Variants in NRXN1 observed in about 807,000 individuals in gnomAD.
NRXN1 encodes neurexin 1.
Under a neutral mutation model 150.9 loss-of-function variants are expected in NRXN1, and 39 were observed. The ratio of observed to expected loss-of-function variants is 0.26; its 90% CI spans 0.20 to 0.34. NRXN1 has a LOEUF of 0.34. Among genes scored for constraint, NRXN1 ranks in the 10% least tolerant of loss-of-function variants. The pLI is 1.00. For missense variants in NRXN1, 1,815 were observed against 1,949.9 expected, an observed-to-expected ratio of 0.93 and a Z score of 1.30; for synonymous variants, 924 against 757.0, an observed-to-expected ratio of 1.22 and a Z score of -3.62.
chr2:50,987,624 C>T (rs976540000), intron 2 of NRXN1, among the ~76,000 whole-genome samples: 5 of 152,038 alleles, frequency 3.3e-5, no homozygotes, highest in Middle Eastern at 3.4e-3. Context: ...AGTATAACAA[C>T]CTCCCACTCT....
intron 18 of NRXN1, among the ~76,000 whole-genome samples, chr2:50,168,829 T>C (rs2059842475): frequency 6.6e-6 from 1 of 152,238 alleles, no homozygotes; most frequent in African/African-American, 2.4e-5. Flanking sequence ...TCAAGGCAGC[T>C]GATGGTGATT....
chr2:50,627,447 G>A (rs879816675), intron 5 of NRXN1, among the ~76,000 whole-genome samples: 1 of 150,052 alleles, frequency 6.7e-6, no homozygotes, highest in African/African-American at 2.4e-5. Context: ...GGCATTGCAG[G>A]TAAGTTAGCA....
intron 18 of NRXN1, among the ~76,000 whole-genome samples, chr2:50,197,295 C>T (rs910512879): frequency 2.6e-5 from 4 of 151,932 alleles, no homozygotes; most frequent in Admixed American, 1.3e-4. Context: ...TTACGGGGAA[C>T]CTGAGAGTCT....
chr2:50,263,632 T>G (rs1256707542), intron 17 of NRXN1, among the ~76,000 whole-genome samples: 1 of 152,068 alleles, frequency 6.6e-6, no homozygotes, highest in Non-Finnish European at 1.5e-5. Flanking sequence ...AGAAAATTTT[T>G]AAGTGATTTG....
intron 5 of NRXN1, among the ~76,000 whole-genome samples, chr2:50,898,159 T>C (rs1013893504): frequency 1.3e-5 from 2 of 152,198 alleles, no homozygotes; most frequent in Non-Finnish European, 2.9e-5. Context: ...TCAGTCAATG[T>C]CTGAATAACT....
At chr2:50,835,049 C>A (rs891075071) in intron 5 of NRXN1, among the ~76,000 whole-genome samples, 3 of 152,112 alleles carry the variant, frequency 2.0e-5, no homozygotes, top group Non-Finnish European at 2.9e-5. Context: ...CCTGTATTTT[C>A]TGAGAATAAT....
chr2:49,927,936 T>C (rs1669396471), intron 22 of NRXN1, among the ~76,000 whole-genome samples: 1 of 152,194 alleles, frequency 6.6e-6, no homozygotes. Flanking sequence ...TTTTTCGGGC[T>C]GGTTTTATTT....
At chr2:50,834,372 T>C (rs72838711) in intron 5 of NRXN1, among the ~76,000 whole-genome samples, 26,446 of 152,048 alleles carry the variant, frequency 0.17, 2,460 homozygotes, top group Non-Finnish European at 0.19. Flanking sequence ...AGGCAGTTAA[T>C]TGGTTTTGCA....
At chr2:50,832,512 G>A (rs2105893161) in intron 5 of NRXN1, among the ~76,000 whole-genome samples, 1 of 152,188 alleles carries the variant, frequency 6.6e-6, no homozygotes, top group Non-Finnish European at 1.5e-5. Flanking sequence ...AATCAGCCAG[G>A]CATGGTGGCA....
At chr2:50,206,333 A>C (rs544506553) in intron 18 of NRXN1, among the ~76,000 whole-genome samples, 6 of 151,988 alleles carry the variant, frequency 3.9e-5, no homozygotes, top group Non-Finnish European at 8.8e-5. Flanking sequence ...AAAAGTATTC[A>C]CGAGGTGGTC....
At chr2:50,641,878 A>T (rs1252834576) in intron 5 of NRXN1, among the ~76,000 whole-genome samples, 4 of 151,998 alleles carry the variant, frequency 2.6e-5, no homozygotes, top group Non-Finnish European at 5.9e-5. Flanking sequence ...CCTGACATCC[A>T]CTGAGTTCTT....
At chr2:50,428,273 GGCATAGT>G (rs1476162306) in intron 17 of NRXN1, among the ~76,000 whole-genome samples, 1 of 152,022 alleles carries the variant, frequency 6.6e-6, no homozygotes, top group African/African-American at 2.4e-5. Flanking sequence ...CATTTAGCTG[GGCATAGT>G]GGCACACACC....
chr2:50,968,756 T>C (rs530248212), intron 2 of NRXN1, among the ~76,000 whole-genome samples: 1 of 152,216 alleles, frequency 6.6e-6, no homozygotes, highest in African/African-American at 2.4e-5. Context: ...TCTTTCCCAT[T>C]TTCCTCTCAA....
At position 51,028,601 on chromosome 2, in the gene NRXN1, A is replaced by G. The variant is rs1376135078; in HGVS notation, c.-328T>C. The G allele has an allele frequency of 3.5e-6, 1 of 288,136 alleles. No homozygotes were observed. The highest frequency in any genetic ancestry group is 2.2e-5 in the African/African-American group (1 of 46,042). 17.8% of individuals were successfully genotyped at this position (288,136 alleles called of 1,614,324 possible). A position where few individuals can be genotyped will look rare whatever the true frequency, so the allele number is the denominator to read the frequency against. On this transcript the variant is annotated 5_prime_UTR_variant, in exon 2 of 23. Coordinates refer to ENST00000401669, the MANE Select transcript of NRXN1 (RefSeq NM_001330078.2). ...AACAAAAGATCAAGGGAAAGCACTGACCCATTTGAGTCTGATTAACTAATT... is the reference window on the plus strand; with the variant it reads ...AACAAAAGATCAAGGGAAAGCACTGGCCCATTTGAGTCTGATTAACTAATT...
At chr2:50,595,965 T>G (rs1166007897) in intron 8 of NRXN1, among the ~76,000 whole-genome samples, 2 of 152,200 alleles carry the variant, frequency 1.3e-5, no homozygotes, top group Non-Finnish European at 2.9e-5. Context: ...CCTAATGGCT[T>G]CCCAACAATG....
At chr2:51,030,909 T>C (rs1251297928) in intron 1 of NRXN1, among the ~76,000 whole-genome samples, 10 of 151,952 alleles carry the variant, frequency 6.6e-5, no homozygotes, top group African/African-American at 2.4e-4. Context: ...TGTAACTCTG[T>C]TGGAGCCAAT....
intron 15 of NRXN1, among the ~76,000 whole-genome samples, chr2:50,492,415 G>C (rs2091303901): frequency 6.6e-6 from 1 of 152,136 alleles, no homozygotes; most frequent in Non-Finnish European, 1.5e-5. Context: ...ACCCATTTCT[G>C]ATCGTTTCTA....
chr2:50,873,847 A>C (rs966133721), intron 5 of NRXN1, among the ~76,000 whole-genome samples: 1 of 151,796 alleles, frequency 6.6e-6, no homozygotes, highest in Non-Finnish European at 1.5e-5. Flanking sequence ...AACAATGCTG[A>C]CCTGGCAAGT....
chr2:50,080,409 A>G (rs545953017), intron 19 of NRXN1, among the ~76,000 whole-genome samples: 21 of 152,242 alleles, frequency 1.4e-4, no homozygotes, highest in African/African-American at 3.4e-4. Context: ...CTGGCATCCA[A>G]TGAGAGTCTT....
Sources: gnomAD v4.1 joint callset for allele counts (sites outside exome capture counted in the v4.1 genomes callset) on GRCh38, gnomAD v4.1.1 for gene constraint, MANE v1.5 for transcripts, NCBI Gene and HGNC (gene_info 2026-07-23, HGNC 2026-07-21) for gene names.